CCL26: variants seen among roughly 807,000 people sequenced by gnomAD.
The protein encoded by CCL26 is C-C motif chemokine ligand 26, also known as C-C motif chemokine 26.
In CCL26, 10 loss-of-function variants were observed where a neutral mutation model predicts 10.7. That is an observed-to-expected ratio of 0.93 (90% CI 0.57 to 1.58). The LOEUF is 1.58. Among genes scored for constraint, CCL26 ranks in the 40% most tolerant of loss-of-function variants. The pLI is 0.00. For synonymous variants in CCL26, 43 were observed against 41.4 expected (o/e 1.04, Z -0.15); for missense variants, 116 against 111.0 (o/e 1.05, Z -0.20).
chr7:75,778,084 C>A (rs111873172), intron 1 of CCL26, among the ~76,000 whole-genome samples: 60 of 152,282 alleles, frequency 3.9e-4, no homozygotes, highest in South Asian at 1.2e-3. Flanking sequence ...TGTACTGGCA[C>A]TCCTATTGCC....
chr7:75,780,135 C>T (rs1585013136), intron 1 of CCL26, among the ~76,000 whole-genome samples: 1 of 150,170 alleles, frequency 6.7e-6, no homozygotes, highest in Non-Finnish European at 1.5e-5. Context: ...CACCTCCTAC[C>T]TTTTCTCCAC....
intron 2 of CCL26, among the ~76,000 whole-genome samples, chr7:75,770,362 G>A (rs1029882723): frequency 1.3e-5 from 2 of 151,856 alleles, no homozygotes; most frequent in East Asian, 1.9e-4. Flanking sequence ...GAGCCACCAC[G>A]CCTAGCCTTT....
At position 75,780,096 on chromosome 7, in the gene CCL26, A is replaced by G. The variant is rs1554529232; in HGVS notation, c.-78-7842T>C. Among the ~76,000 whole-genome samples the G allele has an allele frequency of 1.5e-5, 2 of 136,742 alleles. 1 individual carries two copies. Among genetic ancestry groups the G allele is most frequent in the Non-Finnish European group, 3.1e-5 (2 of 64,708 alleles). 89.7% of individuals were successfully genotyped at this position (136,742 alleles called of 152,430 possible). Reference sequence around the variant, plus strand: ...CTTTTCTGGGGGGCAAGCACCTCCCATCCCTTTTCCACTTTCCTGGGGGGC... The same window carrying G: ...CTTTTCTGGGGGGCAAGCACCTCCCGTCCCTTTTCCACTTTCCTGGGGGGC... On this transcript the variant is annotated intron_variant, in intron 1 of 3. Transcript: ENST00000394905.
At position 75,772,146 on chromosome 7, in the gene CCL26, G is replaced by A. The variant is rs983512678; in HGVS notation, c.31C>T (p.Leu11Phe). 3 of 1,555,740 alleles carry A rather than the reference G, an allele frequency of 1.9e-6. No individual in the cohort carries two copies. The East Asian group carries it at 7.3e-5, about 38-fold the overall frequency. Residue 11 changes from leucine to phenylalanine, a missense_variant, in exon 1 of 3, where the codon CTC (leucine) becomes TTC (phenylalanine). Transcript: ENST00000005180. MMGLSLASAV[L>F]LASLLSLHLG... ...TGGAGACTCAGGAGGGAGGCCAGGAGCACAGCAGAGGCCAAGGAGAGGCCC... is the reference window on the plus strand; with the variant it reads ...TGGAGACTCAGGAGGGAGGCCAGGAACACAGCAGAGGCCAAGGAGAGGCCC...
chr7:75,773,694 G>A (rs1302298711), upstream of CCL26, among the ~76,000 whole-genome samples: 1 of 151,964 alleles, frequency 6.6e-6, no homozygotes, highest in Non-Finnish European at 1.5e-5. Flanking sequence ...TGGCGAACAT[G>A]GTGAAACCCC....
At chr7:75,773,807 TG>T (rs1163292274), upstream of CCL26, among the ~76,000 whole-genome samples, 68 of 151,012 alleles carry the variant, frequency 4.5e-4, no homozygotes, top group African/African-American at 1.6e-3. Context: ...CACTTGAACC[TG>T]GGGGGCAGAG....
At chr7:75,781,529 A>T (rs1404008881) in intron 1 of CCL26, among the ~76,000 whole-genome samples, 6 of 152,194 alleles carry the variant, frequency 3.9e-5, no homozygotes, top group Non-Finnish European at 7.3e-5. Context: ...AGGACTGTCT[A>T]ACTCACTGTC....
intron 2 of CCL26, 97 bp downstream of exon 2, chr7:75,771,792 A>G (rs1802826509): frequency 3.9e-6 from 3 of 774,542 alleles, no homozygotes; most frequent in Non-Finnish European, 7.0e-6. Context: ...TGGGGTTTCC[A>G]GGTTCCCATC....
At chr7:75,771,502 C>T (rs1461712448) in intron 2 of CCL26, among the ~76,000 whole-genome samples, 3 of 152,160 alleles carry the variant, frequency 2.0e-5, no homozygotes, top group Admixed American at 2.0e-4. Context: ...GGGCAAATCA[C>T]ATGAGCTCAG....
chr7:75,788,790 A>G (rs567991952), intron 1 of CCL26, among the ~76,000 whole-genome samples: 1 of 151,056 alleles, frequency 6.6e-6, no homozygotes, highest in South Asian at 2.1e-4. Flanking sequence ...GGGGCAACTG[A>G]CTTAAAGCGG....
chr7:75,791,162 G>A (rs1026481257), upstream of CCL26, among the ~76,000 whole-genome samples: 1 of 151,778 alleles, frequency 6.6e-6, no homozygotes, highest in Non-Finnish European at 1.5e-5. Context: ...GAGTAGCTGG[G>A]ATTACAGGCA....
intron 1 of CCL26, among the ~76,000 whole-genome samples, chr7:75,789,247 C>T (rs1483972317): frequency 6.6e-5 from 10 of 151,368 alleles, no homozygotes; most frequent in East Asian, 1.9e-4. Flanking sequence ...GCCTGGCCTG[C>T]GTACTTTTCT....
At chr7:75,786,010 C>A (rs1380970387) in intron 1 of CCL26, among the ~76,000 whole-genome samples, 1 of 152,216 alleles carries the variant, frequency 6.6e-6, no homozygotes, top group Admixed American at 6.5e-5. Flanking sequence ...GCTCAACTCA[C>A]TCTCTACAGT....
intron 1 of CCL26, among the ~76,000 whole-genome samples, chr7:75,786,198 T>C (rs1803180899): frequency 6.6e-6 from 1 of 152,202 alleles, no homozygotes; most frequent in South Asian, 2.1e-4. Context: ...CTCCCATGAC[T>C]GTATCTCTCT....
intron 1 of CCL26, among the ~76,000 whole-genome samples, chr7:75,788,295 A>G (rs1164013341): frequency 2.6e-5 from 4 of 152,138 alleles, no homozygotes; most frequent in South Asian, 2.1e-4. Flanking sequence ...AATTGATGAC[A>G]TTACCTTGTG....
At chr7:75,787,639 C>T (rs367951929) in intron 1 of CCL26, among the ~76,000 whole-genome samples, 10 of 113,042 alleles carry the variant, frequency 8.8e-5, no homozygotes, top group Non-Finnish European at 1.8e-4. Context: ...AGTGAGACTC[C>T]GTCTCCAAAA....
At chr7:75,787,837 A>G (rs1803234858) in intron 1 of CCL26, among the ~76,000 whole-genome samples, 1 of 151,908 alleles carries the variant, frequency 6.6e-6, no homozygotes, top group South Asian at 2.1e-4. Context: ...TAGTCCTTTA[A>G]TACCTGTTTT....
Position 75,769,586 on chromosome 7 carries a change from C to A in CCL26, c.*107G>T. Reference sequence around the variant, plus strand: ...TAACTCTGGGAGGAAACACCCTCTCCTCCCCAGCGGGTCCATGTAGCCTTC... The same window carrying A: ...TAACTCTGGGAGGAAACACCCTCTCATCCCCAGCGGGTCCATGTAGCCTTC... On this transcript the variant is annotated 3_prime_UTR_variant, in exon 3 of 3. Coordinates refer to ENST00000005180, the MANE Select transcript of CCL26 (RefSeq NM_001371938.1). 1.6e-6 allele frequency: 1 copy of A among 643,692 alleles called. No individual in the cohort carries two copies. The highest frequency in any genetic ancestry group is 2.8e-6 in the Non-Finnish European group (1 of 354,548). The allele number at this position is 643,692 out of a possible 1,614,324, so 39.9% of individuals were successfully genotyped here.
intron 1 of CCL26, among the ~76,000 whole-genome samples, chr7:75,779,614 A>G (rs1459133242): frequency 6.6e-6 from 1 of 152,130 alleles, no homozygotes; most frequent in Non-Finnish European, 1.5e-5. Flanking sequence ...TTATCCGTGG[A>G]CCCAAAACTC....
Sources: allele counts gnomAD v4.1 joint callset (sites outside exome capture counted in the v4.1 genomes callset), GRCh38; gene constraint gnomAD v4.1.1; transcripts MANE v1.5; gene names NCBI Gene and HGNC (gene_info 2026-07-23, HGNC 2026-07-21).